AGL: variants seen among roughly 807,000 people sequenced by gnomAD.
AGL encodes the protein amylo-alpha-1,6-glucosidase and 4-alpha-glucanotransferase.
In AGL, 128 loss-of-function variants were observed where a neutral mutation model predicts 199.3. The ratio of observed to expected loss-of-function variants is 0.64; its 90% CI spans 0.56 to 0.74. The LOEUF is 0.74. AGL is among the 30% of genes least tolerant of loss of function. The pLI is 0.00. For missense variants in AGL, 1,809 were observed against 1,820.8 expected (o/e 0.99, Z 0.12); for synonymous variants, 584 against 594.7 (o/e 0.98, Z 0.26).
Position 99,921,701 on chromosome 1 carries a change from T to G in AGL, c.*50T>G. ...ATTACTTGTATTATAGGATGCAAGG[T>G]CATCATATGTAAATGCCTTATATGC... On this transcript the variant is annotated 3_prime_UTR_variant, in exon 34 of 34. Transcript: ENST00000361915. The G allele has an allele frequency of 1.5e-6, 2 of 1,305,434 alleles. No individual in the cohort carries two copies. Among genetic ancestry groups the G allele is most frequent in the South Asian group, 2.4e-5 (2 of 83,224 alleles). The allele number at this position is 1,305,434 out of a possible 1,614,324, so 80.9% of individuals were successfully genotyped here. A position where few individuals can be genotyped will look rare whatever the true frequency, so the allele number is the denominator to read the frequency against.
At chr1:99,876,693 T>C (rs1277845613) in intron 11 of AGL, 96 bp downstream of exon 11, 1 of 1,401,644 alleles carries the variant, frequency 7.1e-7, no homozygotes, top group Non-Finnish European at 1.0e-6. Flanking sequence ...CCCATTAGTC[T>C]ATTGGTTTTT....
chr1:99,918,540 T>C (rs1476452426), intron 33 of AGL, among the ~76,000 whole-genome samples: 1 of 152,070 alleles, frequency 6.6e-6, no homozygotes, highest in African/African-American at 2.4e-5. Flanking sequence ...CCCAGGCTGG[T>C]CTCGAACTCC....
intron 27 of AGL, among the ~76,000 whole-genome samples, chr1:99,909,815 G>A (rs1401948939): frequency 2.0e-5 from 3 of 152,214 alleles, no homozygotes; most frequent in African/African-American, 7.2e-5. Flanking sequence ...AGGAAGATCA[G>A]GGAAAAATGA....
At chr1:99,863,670 C>T (rs545794126) in intron 4 of AGL, among the ~76,000 whole-genome samples, 2 of 151,454 alleles carry the variant, frequency 1.3e-5, no homozygotes, top group African/African-American at 2.4e-5. Flanking sequence ...AGGATGGTCT[C>T]GATCTCCTGA....
intron 30 of AGL, among the ~76,000 whole-genome samples, chr1:99,915,188 G>A (rs1243154047): frequency 6.6e-6 from 1 of 152,172 alleles, no homozygotes; most frequent in Non-Finnish European, 1.5e-5. Context: ...CACCTCTAAA[G>A]GCTTTCCTAA....
intron 14 of AGL, 48 bp from the exon 15 acceptor site, chr1:99,881,028 T>C: frequency 4.1e-6 from 6 of 1,470,902 alleles, no homozygotes; most frequent in Non-Finnish European, 4.8e-6. Flanking sequence ...AATAGCACTT[T>C]GCATTTGAAA....
At chr1:99,895,436 T>G (rs1653221720) in intron 24 of AGL, among the ~76,000 whole-genome samples, 2 of 152,208 alleles carry the variant, frequency 1.3e-5, no homozygotes, top group Non-Finnish European at 2.9e-5. Flanking sequence ...AAATTGTACA[T>G]ATTGTGTACA....
At chr1:99,897,787 T>A (rs1653449185) in intron 25 of AGL, among the ~76,000 whole-genome samples, 1 of 152,178 alleles carries the variant, frequency 6.6e-6, no homozygotes, top group Admixed American at 6.5e-5. Context: ...TACTGGGTAC[T>A]TGGGAGGATC....
intron 7 of AGL, among the ~76,000 whole-genome samples, chr1:99,874,216 C>T (rs1374289600): frequency 6.7e-6 from 1 of 148,400 alleles, no homozygotes; most frequent in African/African-American, 2.5e-5. Flanking sequence ...TTTGGTAGCA[C>T]CGGGGAGGAA....
chr1:99,862,141 GAAAT>G (rs1221083189), intron 3 of AGL, 112 bp from the exon 4 acceptor site: 1 of 1,095,288 alleles, frequency 9.1e-7, no homozygotes, highest in East Asian at 2.4e-5. Context: ...TATGTGCTTA[GAAAT>G]AAATACATTT....
rs563683663 is a variant in AGL at position 99,857,270 on chromosome 1, C to T, written c.83-4233C>T. ...CAGACGATGGGCGGCCGGGCAGAGA[C>T]GCTCCTCACTTCCTAGATGGGATGG... is the stretch of plus-strand genomic sequence containing the variant. On this transcript the variant is annotated intron_variant, in intron 2 of 33. Coordinates refer to ENST00000361915, the MANE Select transcript of AGL (RefSeq NM_000642.3). Among the ~76,000 whole-genome samples the T allele has an allele frequency of 1.4e-4, 21 of 151,672 alleles. No homozygotes were observed. In the East Asian group the frequency reaches 3.3e-3, roughly 24 times the overall value.
chr1:99,862,306 G>T lies in AGL; in HGVS notation c.343G>T (p.Val115Phe). 6.2e-7 allele frequency: 1 copy of T among 1,614,044 alleles called. No homozygotes were observed. The highest frequency in any genetic ancestry group is 8.5e-7 in the Non-Finnish European group (1 of 1,179,998). The change falls in exon 4 of 34, where the codon GTT becomes TTT. Residue 115 changes from valine to phenylalanine, a missense_variant. Physicochemically the swap from Val to Phe is conservative, Grantham distance 50. Transcript: ENST00000361915. Reference sequence around the variant, plus strand: ...CATAGTTGTGGACCCCATTTTACGTGTTGGTGCTGATAATCATGTGCTACC... The same window carrying T: ...CATAGTTGTGGACCCCATTTTACGTTTTGGTGCTGATAATCATGTGCTACC... ...GYIVVDPILRVGADNHVLPLD... is the reference protein window; with the variant it reads ...GYIVVDPILRFGADNHVLPLD...
intron 24 of AGL, among the ~76,000 whole-genome samples, chr1:99,894,179 C>T (rs928321901): frequency 6.7e-6 from 1 of 150,362 alleles, no homozygotes; most frequent in Non-Finnish European, 1.5e-5. Flanking sequence ...CAGAGGAGAC[C>T]CTGTCTCAAA....
At chr1:99,884,001 A>G in intron 17 of AGL, 119 bp from the exon 18 acceptor site, 2 of 860,768 alleles carry the variant, frequency 2.3e-6, no homozygotes, top group Non-Finnish European at 3.7e-6. Context: ...GACTTCTAAA[A>G]AAAAGTAACT....
intron 2 of AGL, among the ~76,000 whole-genome samples, chr1:99,860,904 A>C (rs1169786110): frequency 6.6e-6 from 1 of 152,226 alleles, no homozygotes; most frequent in Non-Finnish European, 1.5e-5. Flanking sequence ...AATCTTTATT[A>C]GCACATCACT....
chr1:99,861,535 T>A lies in AGL; in HGVS notation c.115T>A (p.Leu39Ile), dbSNP rs902018012. The change falls in exon 3 of 34, where the codon TTA (leucine) becomes ATA (isoleucine). Residue 39 changes from leucine (L) to isoleucine (I), a missense_variant. Coordinates refer to ENST00000361915, the MANE Select transcript of AGL (RefSeq NM_000642.3). ...YELQFRLGPT[L>I]QGKAVTVYTN... ...GCTACAGTTCCGATTAGGCCCAACT[T>A]TACAGGGAAAAGCAGTTACCGTGTA... 2 of 1,613,834 alleles carry A rather than the reference T, an allele frequency of 1.2e-6. No homozygotes were observed. The highest frequency in any genetic ancestry group is 2.7e-5 in the African/African-American group (2 of 74,902).
chr1:99,860,704 G>C (rs992951538), intron 2 of AGL, among the ~76,000 whole-genome samples: 7 of 152,210 alleles, frequency 4.6e-5, no homozygotes, highest in Admixed American at 3.3e-4. Flanking sequence ...ATGAAGCATA[G>C]GGATATAGGC....
At chr1:99,891,528 C>A in intron 22 of AGL, 78 bp from the exon 23 acceptor site, 1 of 1,557,134 alleles carries the variant, frequency 6.4e-7, no homozygotes, top group Non-Finnish European at 8.8e-7. Flanking sequence ...GATAAAGTTG[C>A]ACATTTAGAT....
intron 12 of AGL, among the ~76,000 whole-genome samples, chr1:99,879,515 C>T (rs1307456458): frequency 1.3e-5 from 2 of 151,908 alleles, no homozygotes; most frequent in Non-Finnish European, 2.9e-5. Context: ...ACCTGGGAGG[C>T]GGAGGTTGTG....
Sources: gnomAD v4.1 joint callset for allele counts (sites outside exome capture counted in the v4.1 genomes callset) on GRCh38, gnomAD v4.1.1 for gene constraint, MANE v1.5 for transcripts, NCBI Gene and HGNC (gene_info 2026-07-23, HGNC 2026-07-21) for gene names.